FGF1: variants seen among roughly 807,000 people sequenced by gnomAD.
FGF1 encodes fibroblast growth factor 1, also known as beta-endothelial cell growth factor.
In FGF1, 9 loss-of-function variants were observed where a neutral mutation model predicts 13.4. That is an observed-to-expected ratio of 0.67 (90% confidence interval 0.40 to 1.17). FGF1 has a LOEUF of 1.17. Ranked by LOEUF, FGF1 falls within the 50% of genes most tolerant of loss-of-function variation. The pLI is 0.01. For missense variants in FGF1, 156 were observed against 192.7 expected, an observed-to-expected ratio of 0.81 and a Z score of 1.13; for synonymous variants, 93 against 79.0, an observed-to-expected ratio of 1.18 and a Z score of -0.94.
intron 1 of FGF1, among the ~76,000 whole-genome samples, chr5:142,661,110 C>A (rs892675047): frequency 2.0e-5 from 3 of 152,222 alleles, no homozygotes; most frequent in South Asian, 2.1e-4. Flanking sequence ...CTTCAAGGTA[C>A]TTTTCTTTGC....
intron 1 of FGF1, among the ~76,000 whole-genome samples, chr5:142,620,862 A>C (rs1276149575): frequency 6.6e-6 from 1 of 152,216 alleles, no homozygotes; most frequent in Non-Finnish European, 1.5e-5. Context: ...AGACAACCCA[A>C]ATAGAAAAAT....
At chr5:142,665,845 CA>C (rs759076943) in intron 1 of FGF1, among the ~76,000 whole-genome samples, 62 of 152,256 alleles carry the variant, frequency 4.1e-4, no homozygotes, top group Admixed American at 9.2e-4. Flanking sequence ...TGGAGAGGCC[CA>C]CAGGTAGTCA....
intron 1 of FGF1, among the ~76,000 whole-genome samples, chr5:142,630,570 A>G (rs997057482): frequency 3.9e-5 from 6 of 152,156 alleles, no homozygotes; most frequent in African/African-American, 4.8e-5. Context: ...ACCATGGCCT[A>G]TGAGACCCTG....
chr5:142,694,722 C>T (rs1248037659), intron 2 of FGF1, among the ~76,000 whole-genome samples: 3 of 152,108 alleles, frequency 2.0e-5, no homozygotes, highest in Admixed American at 2.0e-4. Context: ...CTAAAGCCTA[C>T]CCTCTAGCCA....
chr5:142,689,693 A>AG (rs1751832820), upstream of FGF1, among the ~76,000 whole-genome samples: 1 of 65,720 alleles, frequency 1.5e-5, no homozygotes. Context: ...CCTCGATCCT[A>AG]GTTTTTTTTT....
At chr5:142,606,021 G>C (rs576933982) in intron 2 of FGF1, among the ~76,000 whole-genome samples, 1 of 145,230 alleles carries the variant, frequency 6.9e-6, no homozygotes, top group East Asian at 2.1e-4. Flanking sequence ...AAACCATTCA[G>C]TCAACACATA....
At chr5:142,658,176 C>T (rs1768515545) in intron 1 of FGF1, among the ~76,000 whole-genome samples, 2 of 152,202 alleles carry the variant, frequency 1.3e-5, no homozygotes, top group Non-Finnish European at 2.9e-5. Context: ...AGTCATATTC[C>T]CTTTCCCTCA....
intron 1 of FGF1, among the ~76,000 whole-genome samples, chr5:142,615,222 C>T (rs1759970006): frequency 6.8e-6 from 1 of 146,896 alleles, no homozygotes; most frequent in Admixed American, 6.8e-5. Flanking sequence ...GTGAACTGCA[C>T]TTTTTTTTTT....
intron 2 of FGF1, among the ~76,000 whole-genome samples, chr5:142,603,766 G>T (rs1037082346): frequency 3.3e-5 from 5 of 152,160 alleles, no homozygotes; most frequent in Admixed American, 3.3e-4. Flanking sequence ...CTCAAGGCTG[G>T]GCTCTGAGCT....
intron 1 of FGF1, among the ~76,000 whole-genome samples, chr5:142,649,392 A>AATC (rs1252316498): frequency 6.6e-6 from 1 of 151,592 alleles, no homozygotes; most frequent in East Asian, 1.9e-4. Context: ...ATTTATGTAT[A>AATC]ATCTCTAGGG....
chr5:142,662,342 C>G (rs766174751), intron 1 of FGF1, among the ~76,000 whole-genome samples: 1 of 152,212 alleles, frequency 6.6e-6, no homozygotes, highest in Non-Finnish European at 1.5e-5. Context: ...TTTCTTAGCT[C>G]TCTTGGAGCA....
intron 1 of FGF1, among the ~76,000 whole-genome samples, chr5:142,629,891 A>AT (rs1488941136): frequency 2.4e-4 from 24 of 100,096 alleles, no homozygotes; most frequent in African/African-American, 3.9e-4. Flanking sequence ...ATATATATAT[A>AT]TATATTTTTT....
intron 1 of FGF1, among the ~76,000 whole-genome samples, chr5:142,628,836 G>A (rs1220903344): frequency 1.3e-5 from 2 of 152,180 alleles, no homozygotes; most frequent in Admixed American, 6.5e-5. Flanking sequence ...AAGGAGGAAC[G>A]TCAGAGTGAC....
intron 2 of FGF1, among the ~76,000 whole-genome samples, chr5:142,606,434 G>T (rs1338162694): frequency 6.6e-6 from 1 of 151,168 alleles, no homozygotes; most frequent in Non-Finnish European, 1.5e-5. Flanking sequence ...GGCCAACAGG[G>T]TGAAACCCCG....
At chr5:142,697,012 C>A (rs901775455) in intron 2 of FGF1, among the ~76,000 whole-genome samples, 3 of 152,194 alleles carry the variant, frequency 2.0e-5, no homozygotes, top group Non-Finnish European at 4.4e-5. Flanking sequence ...TCTGTTTCTC[C>A]TCTTTGTCTC....
chr5:142,630,047 C>T (rs1379258640), intron 1 of FGF1, among the ~76,000 whole-genome samples: 1 of 151,920 alleles, frequency 6.6e-6, no homozygotes, highest in Non-Finnish European at 1.5e-5. Context: ...GCGTCCGCCA[C>T]CACTCCCAGC....
intron 1 of FGF1, among the ~76,000 whole-genome samples, chr5:142,646,034 A>G (rs1321182267): frequency 3.3e-5 from 5 of 151,582 alleles, no homozygotes; most frequent in Admixed American, 6.6e-5. Flanking sequence ...TCAGCTTCCC[A>G]AGTAGCTGGG....
rs138215159 is a variant in FGF1, at chr5:142,611,243, T to C, written c.169+2716A>G. ...AGAAGGGCTCTGGCAGTACCACCAC[T>C]GGGCAGAAGAGGGCAACAGAACCAC... On this transcript the variant is annotated intron_variant, in intron 2 of 3. Coordinates refer to ENST00000337706, the MANE Select transcript of FGF1 (RefSeq NM_000800.5). Among the ~76,000 whole-genome samples, 186 of 152,262 alleles carry C rather than the reference T, an allele frequency of 1.2e-3. 3 individuals are homozygous for C. The East Asian group carries it at 0.026, about 22-fold the overall frequency.
chr5:142,603,889 G>A (rs1027302197), intron 2 of FGF1, among the ~76,000 whole-genome samples: 1 of 152,152 alleles, frequency 6.6e-6, no homozygotes, highest in African/African-American at 2.4e-5. Flanking sequence ...ACAGTCTATG[G>A]AGCAAGTAGA....
Sources: gnomAD v4.1 joint callset for allele counts (sites outside exome capture counted in the v4.1 genomes callset) on GRCh38, gnomAD v4.1.1 for gene constraint, MANE v1.5 for transcripts, NCBI Gene and HGNC (gene_info 2026-07-23, HGNC 2026-07-21) for gene names.